ADGRL2: variants seen among roughly 807,000 people sequenced by gnomAD.
The protein encoded by ADGRL2 is adhesion G protein-coupled receptor L2.
ADGRL2 carries 44 observed loss-of-function variants against 157.4 expected under a neutral mutation model. The observed-to-expected ratio is 0.28, with a 90% confidence interval of 0.22 to 0.36. The LOEUF (loss-of-function observed/expected upper bound fraction) is 0.36. ADGRL2 is among the 10% of genes least tolerant of loss of function. The pLI is 1.00. For missense variants in ADGRL2, 1,510 were observed against 1,768.9 expected (o/e 0.85, Z 2.63); for synonymous variants, 585 against 624.7 (o/e 0.94, Z 0.95).
At chr1:81,694,480 A>T (rs1450741615) in intron 3 of ADGRL2, among the ~76,000 whole-genome samples, 1 of 151,982 alleles carries the variant, frequency 6.6e-6, no homozygotes, top group Non-Finnish European at 1.5e-5. Context: ...TTACTATAAC[A>T]TAATCTAGTA....
upstream of ADGRL2, among the ~76,000 whole-genome samples, chr1:81,694,973 G>C (rs1450604399): frequency 2.0e-5 from 3 of 151,976 alleles, no homozygotes; most frequent in South Asian, 2.1e-4. Context: ...TATTTTTATT[G>C]ATACATATAT....
At chr1:81,851,391 A>C (rs2092999390) in intron 2 of ADGRL2, among the ~76,000 whole-genome samples, 1 of 151,856 alleles carries the variant, frequency 6.6e-6, no homozygotes. Context: ...GTAATTATGA[A>C]GGTATCAGTT....
chr1:81,711,419 A>G (rs1327919012), intron 1 of ADGRL2, among the ~76,000 whole-genome samples: 2 of 152,222 alleles, frequency 1.3e-5, no homozygotes, highest in African/African-American at 2.4e-5. Flanking sequence ...GCTTTTCCTC[A>G]AGACGGTCAG....
In ADGRL2 at chr1:81,345,532, TAAAG is replaced by T. The variant is rs550183348; in HGVS notation, c.-302+39025_-302+39028del. Among the ~76,000 whole-genome samples, 33 of 152,294 alleles carry T rather than the reference TAAAG, an allele frequency of 2.2e-4. No homozygotes were observed. The East Asian group carries it at 6.2e-3, about 28-fold the overall frequency. ...TAATCATATTTTTGTTAAAATATAA[TAAAG>T]AGAAGTGATAAATTATCCATTAATA... On this transcript the variant is annotated intron_variant, in intron 1 of 24. Coordinates refer to the ADGRL2 transcript ENST00000370721.
At chr1:81,488,504 C>T (rs181978753) in intron 2 of ADGRL2, among the ~76,000 whole-genome samples, 2 of 149,198 alleles carry the variant, frequency 1.3e-5, no homozygotes, top group African/African-American at 5.0e-5. Flanking sequence ...GTTTTGAAAC[C>T]AGCCTGTGCA....
chr1:81,388,128 T>G (rs536183032), intron 1 of ADGRL2, among the ~76,000 whole-genome samples: 33 of 152,286 alleles, frequency 2.2e-4, no homozygotes, highest in African/African-American at 7.9e-4. Flanking sequence ...AATTCTTTAA[T>G]TATAGCAATA....
intron 17 of ADGRL2, among the ~76,000 whole-genome samples, chr1:81,975,473 G>C (rs1281363665): frequency 6.6e-6 from 1 of 152,072 alleles, no homozygotes; most frequent in African/African-American, 2.4e-5. Flanking sequence ...GCAATTGGAT[G>C]GTAGAGACAT....
chr1:81,418,245 G>A (rs565212851), intron 1 of ADGRL2, among the ~76,000 whole-genome samples: 3 of 152,250 alleles, frequency 2.0e-5, no homozygotes, highest in Admixed American at 6.5e-5. Flanking sequence ...TAAAAAAATC[G>A]CAACACTATT....
intron 2 of ADGRL2, among the ~76,000 whole-genome samples, chr1:81,462,315 C>G (rs1024523252): frequency 6.6e-6 from 1 of 152,174 alleles, no homozygotes; most frequent in Non-Finnish European, 1.5e-5. Context: ...TGCTGCCCTT[C>G]TATGTTGTGG....
At chr1:81,788,803 C>T (rs1245004383) in intron 2 of ADGRL2, among the ~76,000 whole-genome samples, 1 of 152,090 alleles carries the variant, frequency 6.6e-6, no homozygotes, top group Non-Finnish European at 1.5e-5. Flanking sequence ...GCAACCTCTG[C>T]CTTTCAGGTT....
intron 3 of ADGRL2, among the ~76,000 whole-genome samples, 184 bp downstream of exon 3, chr1:81,907,414 A>C (rs1006650922): frequency 3.3e-5 from 5 of 152,216 alleles, no homozygotes; most frequent in Non-Finnish European, 7.3e-5. Flanking sequence ...AAATATGTAA[A>C]TCATTCTAAT....
intron 1 of ADGRL2, among the ~76,000 whole-genome samples, chr1:81,347,440 G>A (rs1662563271): frequency 6.6e-6 from 1 of 152,004 alleles, no homozygotes; most frequent in South Asian, 2.1e-4. Context: ...TAGAAATGAG[G>A]GACAGTTTAT....
At position 81,943,319 on chromosome 1, in the gene ADGRL2, T is replaced by C. The variant is rs561209754; in HGVS notation, c.760T>C (p.Tyr254His). Residue 254 changes from tyrosine to histidine, a missense_variant, in exon 6 of 24, where the codon TAC becomes CAC. Transcript: ENST00000686636. This position sits in a 1 kb window ranked among gnomAD's most constrained non-coding sequence, Gnocchi z 5.6. Reference protein sequence around the residue: ...SGEAIINYANYHDTSPYRWGG... With the variant: ...SGEAIINYANHHDTSPYRWGG... ...CGAGGCCATAATTAACTATGCCAAC[T>C]ACCATGATACCTCACCATACAGATG... 6.2e-7 allele frequency: 1 copy of C among 1,613,638 alleles called. No homozygotes were observed. Among genetic ancestry groups the C allele is most frequent in the African/African-American group, 1.3e-5 (1 of 75,002 alleles).
At chr1:81,683,428 C>A (rs1273237352) in intron 3 of ADGRL2, among the ~76,000 whole-genome samples, 1 of 152,130 alleles carries the variant, frequency 6.6e-6, no homozygotes, top group East Asian at 1.9e-4. Flanking sequence ...TATTTGTAGT[C>A]TTTTATCCCT....
intron 2 of ADGRL2, among the ~76,000 whole-genome samples, chr1:81,524,816 G>A (rs547363978): frequency 5.3e-5 from 8 of 152,106 alleles, no homozygotes; most frequent in African/African-American, 1.9e-4. Context: ...GAGGCAGGAG[G>A]ATCTCTTGAG....
chr1:81,417,931 C>A (rs963026540), intron 1 of ADGRL2, among the ~76,000 whole-genome samples: 3 of 152,130 alleles, frequency 2.0e-5, no homozygotes, highest in Admixed American at 6.6e-5. Context: ...CAATATCACA[C>A]CCACTTTTAC....
At chr1:81,719,262 A>G (rs1055434616) in intron 1 of ADGRL2, among the ~76,000 whole-genome samples, 1 of 152,220 alleles carries the variant, frequency 6.6e-6, no homozygotes, top group Non-Finnish European at 1.5e-5. Context: ...CTAGTCATAT[A>G]GGCCACCATC....
intron 2 of ADGRL2, among the ~76,000 whole-genome samples, chr1:81,844,049 C>T (rs921039856): frequency 3.3e-5 from 5 of 152,036 alleles, no homozygotes; most frequent in African/African-American, 7.2e-5. Flanking sequence ...CATTATATTG[C>T]GTGGCTGTTT....
chr1:81,423,170 G>A (rs4418657), intron 1 of ADGRL2, among the ~76,000 whole-genome samples: 69,735 of 152,086 alleles, frequency 0.46, 16,788 homozygotes, highest in Non-Finnish European at 0.54. Flanking sequence ...ACTGCAGGAC[G>A]CAGTTTTGCT....
Sources: gnomAD v4.1 joint callset for allele counts (sites outside exome capture counted in the v4.1 genomes callset) on GRCh38, gnomAD v4.1.1 for gene constraint, Gnocchi (gnomAD v3.1) non-coding constraint, MANE v1.5 for transcripts, NCBI Gene and HGNC (gene_info 2026-07-23, HGNC 2026-07-21) for gene names.